Variants in SHANK2 observed in about 807,000 individuals in gnomAD.
SHANK2 encodes the protein SH3 and multiple ankyrin repeat domains 2.
Under a neutral mutation model 133.7 loss-of-function variants are expected in SHANK2, and 43 were observed. The ratio of observed to expected loss-of-function variants is 0.32; its 90% CI spans 0.25 to 0.41. The LOEUF (loss-of-function observed/expected upper bound fraction) is 0.41, where lower values mean the gene tolerates loss of function less well. SHANK2 is among the 10% of genes least tolerant of loss of function. The pLI is 1.00. For missense variants in SHANK2, 1,994 were observed against 2,235.8 expected, an observed-to-expected ratio of 0.89 and a Z score of 2.18; for synonymous variants, 1,017 against 952.8, an observed-to-expected ratio of 1.07 and a Z score of -1.24.
At chr11:70,507,949 T>G (rs1245826053) in intron 17 of SHANK2, among the ~76,000 whole-genome samples, 1 of 152,216 alleles carries the variant, frequency 6.6e-6, no homozygotes, top group African/African-American at 2.4e-5. Context: ...GTTTAGAGGC[T>G]CTGCAAATGA....
intron 10 of SHANK2, among the ~76,000 whole-genome samples, chr11:70,946,117 A>AACCTCCCTCTC (rs1950725489): frequency 9.0e-6 from 1 of 111,662 alleles, no homozygotes; most frequent in African/African-American, 4.0e-5. Flanking sequence ...CCCTTCCCAG[A>AACCTCCCTCTC]CACAACCTGC....
chr11:70,679,747 T>C (rs1018250773), intron 15 of SHANK2, among the ~76,000 whole-genome samples: 4 of 152,202 alleles, frequency 2.6e-5, no homozygotes, highest in Admixed American at 2.6e-4. Context: ...GTCTGTGGCC[T>C]GAGCAACAGA....
intron 14 of SHANK2, among the ~76,000 whole-genome samples, chr11:70,771,900 T>A (rs874708): frequency 0.93 from 141,379 of 152,212 alleles, 66,568 homozygotes; most frequent in East Asian, 1. Context: ...AGGAAATCGC[T>A]ACTGGGCCTG....
intron 3 of SHANK2, among the ~76,000 whole-genome samples, chr11:71,128,288 C>T (rs1952229460): frequency 6.6e-6 from 1 of 152,214 alleles, no homozygotes; most frequent in Admixed American, 6.5e-5. Flanking sequence ...GTCACTCAAT[C>T]TCCTAAAGGC....
rs531285534 is a variant in SHANK2 at position 70,639,392 on chromosome 11, T to C, written c.2061+20436A>G. Among the ~76,000 whole-genome samples, 5 of 152,240 alleles carry C rather than the reference T, an allele frequency of 3.3e-5. No individual in the cohort carries two copies. The South Asian group carries it at 1.0e-3, about 32-fold the overall frequency. ...AGGGCCCCTGTCCTGGTTTCTTCTC[T>C]TGGTGTCTTCAAAGGGCAGAAGGGG... On this transcript the variant is annotated intron_variant, in intron 17 of 25. Transcript: ENST00000601538.
rs900241782 is a variant in SHANK2 at position 70,618,487 on chromosome 11, G to A, written c.2061+41341C>T. Among the ~76,000 whole-genome samples, 6 of 152,078 alleles carry A rather than the reference G, an allele frequency of 3.9e-5. No individual in the cohort carries two copies. In the East Asian group the frequency reaches 7.7e-4, roughly 20 times the overall value. ...CGTTCTAGAATCCCAGGGCCACCCCGCCCTAGGTTCCAATGAATGGCCCCT... is the reference window on the plus strand; with the variant it reads ...CGTTCTAGAATCCCAGGGCCACCCCACCCTAGGTTCCAATGAATGGCCCCT... On this transcript the variant is annotated intron_variant, in intron 17 of 25. Transcript: ENST00000601538.
intron 10 of SHANK2, chr11:70,942,578 C>T (rs782351403): frequency 1.4e-4 from 65 of 456,308 alleles, no homozygotes; most frequent in Admixed American, 1.2e-3. Flanking sequence ...TGGGGACAAG[C>T]GAGCCATATC....
At chr11:70,756,412 G>A (rs556871358) in intron 14 of SHANK2, among the ~76,000 whole-genome samples, 1 of 152,182 alleles carries the variant, frequency 6.6e-6, no homozygotes, top group South Asian at 2.1e-4. Flanking sequence ...GGATAGACAG[G>A]AGGTGAACCG....
chr11:70,490,328 T>A lies in SHANK2; in HGVS notation c.2499A>T (p.Lys833Asn). The change falls in exon 23 of 26, where the codon AAA becomes AAT. Residue 833 changes from lysine (K) to asparagine (N), a missense_variant. Physicochemically the swap from Lys to Asn is moderately conservative, Grantham distance 94 (BLOSUM62 0). This residue lies in a region of SHANK2 where 488 missense variants were observed against 642.6 expected (regional missense o/e 0.76). Transcript: ENST00000601538. ...CTCGAGGGATGCCCAGAAACGGGGC[T>A]TTTGGGCTCCCAGGAACAGTGGGCG... ...VMTPTVPGSP[K>N]APFLGIPRGT... is the part of the protein sequence containing the mutation. 1 of 1,614,194 alleles carries A rather than the reference T, an allele frequency of 6.2e-7. No homozygotes were observed. Among genetic ancestry groups the A allele is most frequent in the African/African-American group, 1.3e-5 (1 of 75,054 alleles).
intron 2 of SHANK2, among the ~76,000 whole-genome samples, chr11:71,171,423 G>T (rs898881928): frequency 2.6e-5 from 4 of 152,186 alleles, no homozygotes; most frequent in African/African-American, 9.7e-5. Flanking sequence ...GGATCATTCA[G>T]CTTAAAATGC....
intron 14 of SHANK2, among the ~76,000 whole-genome samples, chr11:70,755,783 C>T (rs1555038743): frequency 6.6e-6 from 1 of 152,228 alleles, no homozygotes; most frequent in Non-Finnish European, 1.5e-5. Context: ...AGACACCGCG[C>T]CAGCAGATTC....
intron 11 of SHANK2, among the ~76,000 whole-genome samples, chr11:70,827,945 G>C (rs1183188861): frequency 6.6e-6 from 1 of 152,136 alleles, no homozygotes; most frequent in Non-Finnish European, 1.5e-5. Flanking sequence ...GACTGCCACA[G>C]AATCACTGAG....
At chr11:70,747,797 T>C (rs1190766392) in intron 14 of SHANK2, among the ~76,000 whole-genome samples, 1 of 152,232 alleles carries the variant, frequency 6.6e-6, no homozygotes, top group Non-Finnish European at 1.5e-5. Context: ...ATGTGCAGTG[T>C]GCATGTTTGT....
chr11:70,933,943 C>A (rs1366981300), intron 10 of SHANK2, among the ~76,000 whole-genome samples: 92 of 144,868 alleles, frequency 6.4e-4, no homozygotes, highest in African/African-American at 2.3e-3. Context: ...ACAAACAAAA[C>A]AACAACAGCT....
chr11:70,610,327 T>A (rs1554993828), intron 17 of SHANK2, among the ~76,000 whole-genome samples: 1 of 152,010 alleles, frequency 6.6e-6, no homozygotes, highest in East Asian at 1.9e-4. Context: ...CAAACTCAGC[T>A]CCCAGTCCCC....
At chr11:71,199,833 G>A (rs1555116790) in intron 2 of SHANK2, among the ~76,000 whole-genome samples, 2 of 152,176 alleles carry the variant, frequency 1.3e-5, no homozygotes, top group African/African-American at 4.8e-5. Flanking sequence ...GCTGGGGACA[G>A]AGTCGGGGGT....
chr11:70,947,859 G>A (rs1035982505), intron 10 of SHANK2, among the ~76,000 whole-genome samples: 2 of 152,116 alleles, frequency 1.3e-5, no homozygotes, highest in Non-Finnish European at 2.9e-5. Context: ...CAGATTAAAT[G>A]CCATTTTAGA....
In SHANK2 at chr11:70,579,852, T is replaced by G. The variant is rs181911031; in HGVS notation, c.2062-76921A>C. Among the ~76,000 whole-genome samples, 10 of 150,884 alleles carry G rather than the reference T, an allele frequency of 6.6e-5. No individual in the cohort carries two copies. The East Asian group carries it at 2.0e-3, about 30-fold the overall frequency. On this transcript the variant is annotated intron_variant, in intron 17 of 25. Coordinates refer to ENST00000601538, the MANE Select transcript of SHANK2 (RefSeq NM_012309.5). ...GCCGGGAGGAGCAGAGCTGGAGAGGTGAGGATGGAAGCAGAAGTTGGAGGG... is the reference window on the plus strand; with the variant it reads ...GCCGGGAGGAGCAGAGCTGGAGAGGGGAGGATGGAAGCAGAAGTTGGAGGG...
chr11:70,865,862 T>C (rs1555068911), intron 11 of SHANK2, among the ~76,000 whole-genome samples: 1 of 152,240 alleles, frequency 6.6e-6, no homozygotes, highest in African/African-American at 2.4e-5. Context: ...TGCTAGGTAC[T>C]GCTCTACCCA....
Sources: gnomAD v4.1 joint callset for allele counts (sites outside exome capture counted in the v4.1 genomes callset) on GRCh38, gnomAD v4.1.1 for gene constraint, gnomAD v4.1.1 regional missense constraint, MANE v1.5 for transcripts, NCBI Gene and HGNC (gene_info 2026-07-23, HGNC 2026-07-21) for gene names.